Variants in ZNF468 observed in about 807,000 individuals in gnomAD.
The protein encoded by ZNF468 is zinc finger protein ZNF468.
A neutral mutation model predicts 7.2 loss-of-function variants in ZNF468; 8 were observed. That is an observed-to-expected ratio of 1.11 (90% confidence interval 0.65 to 2.01). The LOEUF (loss-of-function observed/expected upper bound fraction) is 2.01, where lower values mean the gene tolerates loss of function less well. Among genes scored for constraint, ZNF468 ranks in the 30% most tolerant of loss-of-function variants. ZNF468 has a pLI of 0.00. For missense variants in ZNF468, 608 were observed against 626.5 expected (o/e 0.97, Z 0.31); for synonymous variants, 218 against 214.4 (o/e 1.02, Z -0.15).
chr19:52,843,486 G>A (rs977413293), intron 3 of ZNF468, among the ~76,000 whole-genome samples: 1 of 152,036 alleles, frequency 6.6e-6, no homozygotes, highest in Non-Finnish European at 1.5e-5. Flanking sequence ...ACATGTCTTG[G>A]CCTCCAAAAG....
chr19:52,854,031 G>T, intron 2 of ZNF468: 1 of 1,496,362 alleles, frequency 6.7e-7, no homozygotes, highest in Non-Finnish European at 8.9e-7. Context: ...ATCCATGTCG[G>T]GGTGTGAGCC....
Position 52,841,895 on chromosome 19 carries a change from G to A in ZNF468, c.399C>T (p.Asn133=). 6.2e-7 allele frequency: 1 copy of A among 1,614,072 alleles called. No individual in the cohort carries two copies. Among genetic ancestry groups the A allele is most frequent in the Non-Finnish European group, 8.5e-7 (1 of 1,180,006 alleles). ...ATCCAAGCTGATCTTTAATACGCTT[G>A]TTTCCAGCATGCCTTTGATCATGTT... ...TGQHDQRHAG[N]KRIKDQLGSS... Residue 133 remains asparagine (N), a synonymous_variant, in exon 4 of 4, where the codon AAC becomes AAT. Transcript: ENST00000595646.
chr19:52,840,886 T>C lies in ZNF468; in HGVS notation c.1408A>G (p.Asn470Asp), dbSNP rs143445320. 6.6e-4 allele frequency: 1,069 copies of C among 1,613,942 alleles called. 1 individual carries two copies. Among genetic ancestry groups the C allele is most frequent in the Non-Finnish European group, 8.5e-4 (999 of 1,179,974 alleles). ...VHTGEKPYKC[N>D]ECGKTFGQTS... Reference sequence around the variant, plus strand: ...TGACCGAAGGTCTTGCCACACTCATTACACTTGTAAGGTTTCTCTCCAGTA... The same window carrying C: ...TGACCGAAGGTCTTGCCACACTCATCACACTTGTAAGGTTTCTCTCCAGTA... The change falls in exon 4 of 4, where the codon AAT becomes GAT. Residue 470 changes from asparagine (N) to aspartate (D), a missense_variant. Coordinates refer to ENST00000595646, the MANE Select transcript of ZNF468 (RefSeq NM_001008801.2).
intron 2 of ZNF468, among the ~76,000 whole-genome samples, chr19:52,850,409 G>A (rs1418366811): frequency 2.0e-5 from 3 of 152,096 alleles, no homozygotes; most frequent in Non-Finnish European, 2.9e-5. Flanking sequence ...AAGGACCCAC[G>A]TGTTGTCATT....
At chr19:52,848,592 C>G (rs914367994) in intron 3 of ZNF468, among the ~76,000 whole-genome samples, 1 of 152,076 alleles carries the variant, frequency 6.6e-6, no homozygotes, top group African/African-American at 2.4e-5. Context: ...GCTCTGTCAC[C>G]CAGGCTGGAG....
At position 52,841,308 on chromosome 19, in the gene ZNF468, C is replaced by A. The variant is rs201855487; in HGVS notation, c.986G>T (p.Cys329Phe). ...RIHTGEKPYK[C>F]KVCDEAFAYN... The stretch of plus-strand genomic sequence containing the variant: ...TGCGAAAGCCTCATCACAAACCTTA[C>A]ATTTGTATGGTTTCTCTCCAGTATG... The change falls in exon 4 of 4, where the codon TGT becomes TTT. Residue 329 changes from cysteine (C) to phenylalanine (F), a missense_variant. Transcript: ENST00000595646. 234 of 1,613,724 alleles carry A rather than the reference C, an allele frequency of 1.5e-4. No individual in the cohort carries two copies. Among genetic ancestry groups the A allele is most frequent in the Non-Finnish European group, 3.4e-5 (40 of 1,179,954 alleles).
intron 2 of ZNF468, 97 bp from the exon 3 acceptor site, chr19:52,849,310 T>C (rs2035285002): frequency 1.3e-6 from 2 of 1,590,706 alleles, no homozygotes; most frequent in Admixed American, 1.7e-5. Flanking sequence ...TGGATTTAAC[T>C]GTAGAGAATG....
rs1485310452 is a variant in ZNF468 at position 52,849,145 on chromosome 19, A to G, written c.84T>C (p.Ala28=). The G allele has an allele frequency of 5.0e-6, 8 of 1,614,004 alleles. No individual in the cohort carries two copies. The highest frequency in any genetic ancestry group is 6.8e-6 in the Non-Finnish European group (8 of 1,179,936). ...TCACGTCCCTGTATAAAGTCCTCTG[A>G]GCAGGGTCCAGGCATTTCCACTCCT... The part of the protein sequence containing the change: ...SQEEWKCLDP[A]QRTLYRDVML... The change falls in exon 3 of 4, where the codon GCT becomes GCC. Residue 28 remains alanine (A), a synonymous_variant. Coordinates refer to ENST00000595646, the MANE Select transcript of ZNF468 (RefSeq NM_001008801.2).
chr19:52,841,607 G>C lies in ZNF468; in HGVS notation c.687C>G (p.Leu229=). Reference sequence around the variant, plus strand: ...AGTGAATTATCTGATGTTTTTTTAAGAGTGAGCTGCAATTAAAGGATTTGA... The same window carrying C: ...AGTGAATTATCTGATGTTTTTTTAACAGTGAGCTGCAATTAAAGGATTTGA... The part of the protein sequence containing the change: ...QSFKSFNCSS[L]LKKHQIIHLE... The change falls in exon 4 of 4, where the codon CTC becomes CTG. Residue 229 remains leucine, a synonymous_variant. Coordinates refer to ENST00000595646, the MANE Select transcript of ZNF468 (RefSeq NM_001008801.2). 6.2e-7 allele frequency: 1 copy of C among 1,614,012 alleles called. No individual in the cohort carries two copies. The highest frequency in any genetic ancestry group is 8.5e-7 in the Non-Finnish European group (1 of 1,179,992).
intron 2 of ZNF468, among the ~76,000 whole-genome samples, chr19:52,850,595 G>C (rs113820231): frequency 6.6e-6 from 1 of 151,110 alleles, no homozygotes; most frequent in Non-Finnish European, 1.5e-5. Flanking sequence ...GGAAGGAGAG[G>C]AGCACAAAAA....
At chr19:52,857,080 T>G (rs55961734) in intron 1 of ZNF468, among the ~76,000 whole-genome samples, 1 of 149,680 alleles carries the variant, frequency 6.7e-6, no homozygotes. Context: ...GGAGGGGAGA[T>G]CTGGGGAGCA....
Position 52,840,809 on chromosome 19 carries a change from G to A in ZNF468, c.1485C>T (p.Tyr495=). The A allele has an allele frequency of 6.2e-7, 1 of 1,608,776 alleles. No individual in the cohort carries two copies. Among genetic ancestry groups the A allele is most frequent in the Non-Finnish European group, 8.5e-7 (1 of 1,177,734 alleles). ...AGGTCTTGCCACACTCATTACACTT[G>A]TAAGGTTTCTCTCCAGTATGAAGCC... is the stretch of plus-strand genomic sequence containing the variant. ...HRRLHTGEKP[Y]KCNECGKTFS... is the part of the protein sequence containing the mutation. The change falls in exon 4 of 4, where the codon TAC becomes TAT. Residue 495 remains tyrosine, a synonymous_variant. Coordinates refer to ENST00000595646, the MANE Select transcript of ZNF468 (RefSeq NM_001008801.2).
At chr19:52,852,960 T>C (rs1038587652) in intron 2 of ZNF468, among the ~76,000 whole-genome samples, 3 of 151,774 alleles carry the variant, frequency 2.0e-5, no homozygotes, top group African/African-American at 7.3e-5. Flanking sequence ...GTTCAAGTCA[T>C]TCTCCTGCCT....
At chr19:52,849,375 T>A in intron 2 of ZNF468, 162 bp from the exon 3 acceptor site, 1 of 1,381,648 alleles carries the variant, frequency 7.2e-7, no homozygotes, top group Non-Finnish European at 9.7e-7. Context: ...CCCAGATGTA[T>A]TTTATTACAC....
intron 2 of ZNF468, among the ~76,000 whole-genome samples, chr19:52,852,262 A>G (rs1365400735): frequency 6.6e-6 from 1 of 152,068 alleles, no homozygotes; most frequent in Admixed American, 6.6e-5. Flanking sequence ...GCTACTTGAG[A>G]GTCTGAGGCA....
chr19:52,841,122 A>G lies in ZNF468; in HGVS notation c.1172T>C (p.Val391Ala), dbSNP rs1342958444. 1 of 1,612,780 alleles carries G rather than the reference A, an allele frequency of 6.2e-7. No individual in the cohort carries two copies. The highest frequency in any genetic ancestry group is 8.5e-7 in the Non-Finnish European group (1 of 1,179,736). Residue 391 changes from valine to alanine, a missense_variant, in exon 4 of 4, where the codon GTT (valine) becomes GCT (alanine). Coordinates refer to ENST00000595646, the MANE Select transcript of ZNF468 (RefSeq NM_001008801.2). ...KPYKCEECDK[V>A]FSRKSHLERH... ...TTCAAGGTGTGATTTGCGACTGAAA[A>G]CTTTGTCACACTCTTCACATTTGTA...
chr19:52,856,290 G>A (rs1359745559), intron 1 of ZNF468, among the ~76,000 whole-genome samples: 1 of 152,012 alleles, frequency 6.6e-6, no homozygotes, highest in African/African-American at 2.4e-5. Context: ...GGAGGTGGAG[G>A]TGGGTGGATT....
chr19:52,841,817 T>A lies in ZNF468; in HGVS notation c.477A>T (p.Lys159Asn). ...PEPHIFQSEG[K>N]IGNQVEKSIN... ...TAGACTTCTCAACTTGATTACCAATTTTCCCTTCAGACTGAAATATGTGCG... is the reference window on the plus strand; with the variant it reads ...TAGACTTCTCAACTTGATTACCAATATTCCCTTCAGACTGAAATATGTGCG... The change falls in exon 4 of 4, where the codon AAA becomes AAT. Residue 159 changes from lysine to asparagine, a missense_variant. Transcript: ENST00000595646. The A allele has an allele frequency of 6.2e-7, 1 of 1,614,092 alleles. No individual in the cohort carries two copies. Among genetic ancestry groups the A allele is most frequent in the East Asian group, 2.2e-5 (1 of 44,864 alleles).
intron 3 of ZNF468, among the ~76,000 whole-genome samples, chr19:52,847,111 A>T (rs1398224506): frequency 6.6e-6 from 1 of 152,196 alleles, no homozygotes; most frequent in Admixed American, 6.6e-5. Context: ...GGAAGACATA[A>T]GAAACTCCAT....
Sources: gnomAD v4.1 joint callset for allele counts (sites outside exome capture counted in the v4.1 genomes callset) on GRCh38, gnomAD v4.1.1 for gene constraint, MANE v1.5 for transcripts, NCBI Gene and HGNC (gene_info 2026-07-23, HGNC 2026-07-21) for gene names.